Variants in OTUD7B observed in about 807,000 individuals in gnomAD.
The protein encoded by OTUD7B is OTU domain-containing protein 7B.
Under a neutral mutation model 82.2 loss-of-function variants are expected in OTUD7B, and 34 were observed. The observed-to-expected ratio is 0.41, with a 90% CI of 0.31 to 0.55. OTUD7B has a LOEUF of 0.55. OTUD7B is among the 20% of genes least tolerant of loss of function. The pLI, the probability that OTUD7B is intolerant of heterozygous loss-of-function variation, is 0.20. For synonymous variants in OTUD7B, 398 were observed against 402.7 expected, an observed-to-expected ratio of 0.99 and a Z score of 0.14; for missense variants, 944 against 1,062.1, an observed-to-expected ratio of 0.89 and a Z score of 1.55.
At chr1:149,983,834 G>T (rs587612513) in intron 1 of OTUD7B, among the ~76,000 whole-genome samples, 1 of 152,320 alleles carries the variant, frequency 6.6e-6, no homozygotes, top group East Asian at 1.9e-4. Context: ...TTTAGGGAGA[G>T]AATTGATTAG....
intron 1 of OTUD7B, among the ~76,000 whole-genome samples, chr1:149,994,351 G>A (rs1228273712): frequency 1.3e-5 from 2 of 152,102 alleles, no homozygotes; most frequent in African/African-American, 4.8e-5. Context: ...GGGAGGCTGA[G>A]GTGGGCGGAT....
At chr1:150,004,764 C>T (rs1188289729) in intron 1 of OTUD7B, among the ~76,000 whole-genome samples, 1 of 152,108 alleles carries the variant, frequency 6.6e-6, no homozygotes, top group Non-Finnish European at 1.5e-5. Context: ...AGTCCTGTTT[C>T]CAGGCTTTCG....
chr1:149,954,398 A>C (rs1017144196), intron 7 of OTUD7B, among the ~76,000 whole-genome samples: 2 of 152,162 alleles, frequency 1.3e-5, no homozygotes, highest in South Asian at 4.1e-4. Flanking sequence ...GGATGAAGCC[A>C]ACTTGATCTT....
At chr1:149,968,524 G>T (rs1273575072) in intron 3 of OTUD7B, among the ~76,000 whole-genome samples, 2 of 152,094 alleles carry the variant, frequency 1.3e-5, no homozygotes, top group Non-Finnish European at 2.9e-5. Flanking sequence ...TTTGCTCAAT[G>T]TAGTATTACA....
intron 1 of OTUD7B, among the ~76,000 whole-genome samples, chr1:149,997,408 T>C (rs1651989970): frequency 6.6e-6 from 1 of 152,214 alleles, no homozygotes; most frequent in African/African-American, 2.4e-5. Flanking sequence ...TTTTAACTGC[T>C]GACAGGGTAA....
At chr1:150,049,629 C>CTCTCT in the OTUD7B span, among the ~76,000 whole-genome samples, 8 of 43,472 alleles carry the variant, frequency 1.8e-4, no homozygotes, top group East Asian at 2.2e-3. Flanking sequence ...CTCTCTCTCT[C>CTCTCT]TTTCTTTTTT....
chr1:150,060,180 C>T, the OTUD7B span, among the ~76,000 whole-genome samples: 30 of 152,262 alleles, frequency 2.0e-4, 1 homozygote, highest in East Asian at 5.8e-3. Context: ...ACATCTAGGG[C>T]TGAAGGATTT....
At chr1:150,008,178 A>G (rs1553786598) in intron 1 of OTUD7B, among the ~76,000 whole-genome samples, 1 of 152,166 alleles carries the variant, frequency 6.6e-6, no homozygotes, top group Non-Finnish European at 1.5e-5. Context: ...GGCTTCTTCA[A>G]CCCCTTTGAT....
At position 150,002,453 on chromosome 1, in the gene OTUD7B, A is replaced by G. The variant is rs587742333; in HGVS notation, c.-67+7995T>C. ...GGGCACCGAACTGCCCCTCTTCCCA[A>G]TGGTACTCTCAGGGAACATCTTTCT... On this transcript the variant is annotated intron_variant, in intron 1 of 11. Coordinates refer to ENST00000581312, the MANE Select transcript of OTUD7B (RefSeq NM_020205.4). 3.1e-3 allele frequency among the ~76,000 whole-genome samples: 472 copies of G among 152,256 alleles called. 2 individuals carry two copies. The highest frequency in any genetic ancestry group is 3.7e-3 in the Non-Finnish European group (255 of 68,010).
At chr1:150,033,961 C>T in the OTUD7B span, among the ~76,000 whole-genome samples, 2 of 152,088 alleles carry the variant, frequency 1.3e-5, no homozygotes, top group Non-Finnish European at 2.9e-5. Context: ...ACCTTATGAT[C>T]CGCCCACCTC....
At chr1:149,998,461 C>A (rs1652058445) in intron 1 of OTUD7B, among the ~76,000 whole-genome samples, 1 of 152,200 alleles carries the variant, frequency 6.6e-6, no homozygotes, top group African/African-American at 2.4e-5. Flanking sequence ...AAACACTGTG[C>A]TACAAACTAC....
chr1:150,059,625 C>A, the OTUD7B span, among the ~76,000 whole-genome samples: 1 of 152,010 alleles, frequency 6.6e-6, no homozygotes, highest in Non-Finnish European at 1.5e-5. Context: ...CCGCCTCAGC[C>A]TCCTAAAGTG....
intron 2 of OTUD7B, among the ~76,000 whole-genome samples, chr1:149,976,632 TAC>T (rs1650335610): frequency 7.6e-6 from 1 of 132,006 alleles, no homozygotes; most frequent in Non-Finnish European, 1.5e-5. Context: ...AAAAAAAAAA[TAC>T]TAGAACATTC....
intron 2 of OTUD7B, among the ~76,000 whole-genome samples, chr1:149,971,544 C>T (rs1042178008): frequency 6.6e-6 from 1 of 152,092 alleles, no homozygotes; most frequent in African/African-American, 2.4e-5. Flanking sequence ...CTTCCTTTTA[C>T]AGATAAAGTC....
chr1:149,977,958 T>A (rs1347469228), intron 1 of OTUD7B, among the ~76,000 whole-genome samples: 3 of 152,196 alleles, frequency 2.0e-5, no homozygotes, highest in African/African-American at 4.8e-5. Context: ...TACTGGCACT[T>A]GAATACTCTC....
intron 6 of OTUD7B, 153 bp downstream of exon 6, chr1:149,964,069 T>A: frequency 1.3e-6 from 1 of 786,190 alleles, no homozygotes; most frequent in Non-Finnish European, 2.1e-6. Context: ...ATTTACCCCA[T>A]TGGTGTTAAC....
chr1:149,966,806 A>C (rs587681168), intron 4 of OTUD7B, among the ~76,000 whole-genome samples: 210 of 152,336 alleles, frequency 1.4e-3, no homozygotes, highest in African/African-American at 4.7e-3. Context: ...ATCTAACTCC[A>C]GTTCTTATCC....
In OTUD7B at chr1:149,944,241, T is replaced by C. The variant is rs1553771284; in HGVS notation, c.2148A>G (p.Ala716=). 3 of 1,612,576 alleles carry C rather than the reference T, an allele frequency of 1.9e-6. No individual in the cohort carries two copies. The East Asian group carries it at 6.7e-5, about 36-fold the overall frequency. The change falls in exon 12 of 12, where the codon GCA becomes GCG. Residue 716 remains alanine, a synonymous_variant. Coordinates refer to ENST00000581312, the MANE Select transcript of OTUD7B (RefSeq NM_020205.4). ...VHCQEPRRQL[A]GGPCVGGLPP... Reference sequence around the variant, plus strand: ...GTAGGCCCCCGACACATGGACCCCCTGCCAACTGCCTCCGGGGTTCCTGGC... The same window carrying C: ...GTAGGCCCCCGACACATGGACCCCCCGCCAACTGCCTCCGGGGTTCCTGGC...
At chr1:149,960,132 C>G (rs1571625803) in intron 6 of OTUD7B, among the ~76,000 whole-genome samples, 1 of 152,034 alleles carries the variant, frequency 6.6e-6, no homozygotes, top group African/African-American at 2.4e-5. Flanking sequence ...TTCAGTGGAC[C>G]CTGGTTCCCA....
Sources: gnomAD v4.1 joint callset for allele counts (sites outside exome capture counted in the v4.1 genomes callset) on GRCh38, gnomAD v4.1.1 for gene constraint, MANE v1.5 for transcripts, NCBI Gene and HGNC (gene_info 2026-07-23, HGNC 2026-07-21) for gene names.